Variants in DSCAML1 observed in about 807,000 individuals in gnomAD.
DSCAML1 encodes cell adhesion molecule DSCAML1.
Under a neutral mutation model 200.5 loss-of-function variants are expected in DSCAML1, and 38 were observed. The ratio of observed to expected loss-of-function variants is 0.19; its 90% confidence interval spans 0.15 to 0.25. The LOEUF (loss-of-function observed/expected upper bound fraction) is 0.25. DSCAML1 is among the 10% of genes least tolerant of loss of function. DSCAML1 has a pLI of 1.00. For missense variants in DSCAML1, 2,223 were observed against 2,858.8 expected (o/e 0.78, Z 5.07); for synonymous variants, 1,215 against 1,165.0 (o/e 1.04, Z -0.87).
chr11:117,789,616 C>T (rs948557137), intron 1 of DSCAML1, among the ~76,000 whole-genome samples: 4 of 152,212 alleles, frequency 2.6e-5, no homozygotes, highest in East Asian at 3.9e-4. Flanking sequence ...AGCACCGAAA[C>T]GATGTCATTC....
At chr11:117,766,082 C>T (rs571009188) in intron 3 of DSCAML1, among the ~76,000 whole-genome samples, 4 of 152,346 alleles carry the variant, frequency 2.6e-5, no homozygotes, top group African/African-American at 7.2e-5. Flanking sequence ...ATTCGACAAA[C>T]ATTGCCTGGG....
chr11:117,466,548 A>G (rs2048583525), intron 16 of DSCAML1, among the ~76,000 whole-genome samples: 1 of 152,132 alleles, frequency 6.6e-6, no homozygotes, highest in African/African-American at 2.4e-5. Context: ...AAAAATACAA[A>G]AAATTAGCTG....
At chr11:117,740,621 C>A (rs1040500428) in intron 3 of DSCAML1, among the ~76,000 whole-genome samples, 2 of 152,196 alleles carry the variant, frequency 1.3e-5, no homozygotes, top group African/African-American at 4.8e-5. Flanking sequence ...CTGGCAAGCA[C>A]CCCACTGCCC....
At chr11:117,495,054 G>C (rs2049264280) in intron 11 of DSCAML1, among the ~76,000 whole-genome samples, 1 of 152,322 alleles carries the variant, frequency 6.6e-6, no homozygotes, top group African/African-American at 2.4e-5. Context: ...ACTAACGCAG[G>C]GATCCAGTGT....
At chr11:117,747,771 C>T (rs1234418678) in intron 3 of DSCAML1, among the ~76,000 whole-genome samples, 2 of 152,204 alleles carry the variant, frequency 1.3e-5, no homozygotes, top group Non-Finnish European at 2.9e-5. Context: ...CACAATCGTG[C>T]TGCATGTGGG....
At chr11:117,575,962 A>G (rs2050927194) in intron 3 of DSCAML1, among the ~76,000 whole-genome samples, 1 of 152,244 alleles carries the variant, frequency 6.6e-6, no homozygotes, top group Admixed American at 6.5e-5. Context: ...GCTACAGAAT[A>G]GAGAGGATGC....
At chr11:117,592,078 A>T (rs2051269381) in intron 3 of DSCAML1, among the ~76,000 whole-genome samples, 1 of 152,116 alleles carries the variant, frequency 6.6e-6, no homozygotes, top group Non-Finnish European at 1.5e-5. Flanking sequence ...GAGCAGGAGA[A>T]TCCTGGGGCT....
chr11:117,537,441 G>C (rs473343), intron 3 of DSCAML1, among the ~76,000 whole-genome samples: 41,215 of 152,078 alleles, frequency 0.27, 5,869 homozygotes, highest in South Asian at 0.45. Context: ...CTGTACAAAG[G>C]GGGGCTGGGC....
intron 3 of DSCAML1, among the ~76,000 whole-genome samples, chr11:117,713,463 A>C (rs925218051): frequency 1.3e-5 from 2 of 152,008 alleles, no homozygotes; most frequent in Non-Finnish European, 2.9e-5. Flanking sequence ...ATCAGTCACC[A>C]TGGAACCCAC....
intron 3 of DSCAML1, among the ~76,000 whole-genome samples, chr11:117,575,558 G>C (rs1231070665): frequency 6.6e-6 from 1 of 152,246 alleles, no homozygotes; most frequent in Admixed American, 6.5e-5. Context: ...GGCTGGGGTT[G>C]AGACTCCTGC....
rs141158608 is a variant in DSCAML1 at position 117,450,644 on chromosome 11, T to C, written c.3613A>G (p.Ser1205Gly). ...AGIKAVPSSA[S>G]SVVVSWLPPT... is the part of the protein sequence containing the mutation. ...GGGAGCCAAGACACAACCACACTGC[T>C]AGCTGATGAAGGGACAGCTTTGATG... is the stretch of plus-strand genomic sequence containing the variant. Residue 1205 changes from serine (S) to glycine (G), a missense_variant, in exon 20 of 33, where the codon AGC (serine) becomes GGC (glycine). This residue lies in a region of DSCAML1 where 438 missense variants were observed against 629.7 expected (regional missense o/e 0.70). Transcript: ENST00000651296. The C allele has an allele frequency of 1.3e-5, 21 of 1,614,072 alleles. No homozygotes were observed. The highest frequency in any genetic ancestry group is 1.7e-5 in the Non-Finnish European group (20 of 1,180,028).
At chr11:117,658,380 G>A (rs933060793) in intron 3 of DSCAML1, among the ~76,000 whole-genome samples, 3 of 152,166 alleles carry the variant, frequency 2.0e-5, no homozygotes, top group Non-Finnish European at 4.4e-5. Context: ...TCTTTGGGAC[G>A]ATGGAGTTCA....
At chr11:117,496,858 G>C (rs1188178564) in intron 11 of DSCAML1, among the ~76,000 whole-genome samples, 1 of 152,220 alleles carries the variant, frequency 6.6e-6, no homozygotes, top group African/African-American at 2.4e-5. Context: ...GGCGAGGATG[G>C]AGATTGTTCC....
At chr11:117,602,307 G>A (rs961854566) in intron 3 of DSCAML1, among the ~76,000 whole-genome samples, 1 of 152,234 alleles carries the variant, frequency 6.6e-6, no homozygotes, top group Non-Finnish European at 1.5e-5. Context: ...GTCTTGGCAT[G>A]AGTGTGTGTT....
intron 3 of DSCAML1, among the ~76,000 whole-genome samples, chr11:117,638,694 C>T (rs990777112): frequency 2.6e-5 from 4 of 152,242 alleles, no homozygotes; most frequent in Admixed American, 6.5e-5. Context: ...CACGTCACAA[C>T]ATGAATCTGT....
intron 21 of DSCAML1, among the ~76,000 whole-genome samples, chr11:117,440,608 G>A (rs1362068788): frequency 6.6e-6 from 1 of 152,160 alleles, no homozygotes; most frequent in East Asian, 1.9e-4. Flanking sequence ...GCCGCCACCA[G>A]AGGGTTATAA....
chr11:117,670,657 A>T (rs1260094985), intron 3 of DSCAML1, among the ~76,000 whole-genome samples: 1 of 151,860 alleles, frequency 6.6e-6, no homozygotes, highest in Non-Finnish European at 1.5e-5. Context: ...AAGCAGCATA[A>T]CTCCTCCTGG....
At chr11:117,730,792 G>A (rs145891305) in intron 3 of DSCAML1, among the ~76,000 whole-genome samples, 3 of 152,214 alleles carry the variant, frequency 2.0e-5, no homozygotes, top group East Asian at 3.9e-4. Context: ...GCCCAAAAGT[G>A]GAAATACACC....
chr11:117,799,661 T>C (rs755868126), upstream of DSCAML1, among the ~76,000 whole-genome samples: 1 of 152,200 alleles, frequency 6.6e-6, no homozygotes, highest in Non-Finnish European at 1.5e-5. Context: ...GAGCCTGGCT[T>C]TGGAAACAGC....
Sources: allele counts gnomAD v4.1 joint callset (sites outside exome capture counted in the v4.1 genomes callset), GRCh38; gene constraint gnomAD v4.1.1; regional missense constraint gnomAD v4.1.1; transcripts MANE v1.5; gene names NCBI Gene and HGNC (gene_info 2026-07-23, HGNC 2026-07-21).